MCM8: variants seen among roughly 807,000 people sequenced by gnomAD.
The protein encoded by MCM8 is DNA helicase MCM8.
A neutral mutation model predicts 98.9 loss-of-function variants in MCM8; 85 were observed. The observed-to-expected ratio is 0.86, with a 90% CI of 0.72 to 1.03. The LOEUF is 1.03. Ranked by LOEUF, MCM8 falls within the 50% of genes least tolerant of loss-of-function variation. The pLI, the probability that MCM8 is intolerant of heterozygous loss-of-function variation, is 0.00. For missense variants in MCM8, 951 were observed against 997.8 expected (o/e 0.95, Z 0.63); for synonymous variants, 352 against 338.6 (o/e 1.04, Z -0.44).
rs750002618 is a variant in MCM8, at chr20:5,958,622, A to G, written c.685A>G (p.Ser229Gly). ...TCTAAGAGGGACAGTGGTTCGTGTC[A>G]GTAATATAAAGCCTCTTTGCACCAA... ...IALRGTVVRV[S>G]NIKPLCTKMA... The change falls in exon 7 of 19, where the codon AGT becomes GGT. Residue 229 changes from serine (S) to glycine (G), a missense_variant. Transcript: ENST00000610722. 2.5e-6 allele frequency: 4 copies of G among 1,614,184 alleles called. No individual in the cohort carries two copies. The highest frequency in any genetic ancestry group is 2.2e-5 in the East Asian group (1 of 44,868).
At chr20:5,980,205 A>T (rs983963455) in intron 13 of MCM8, among the ~76,000 whole-genome samples, 4 of 151,866 alleles carry the variant, frequency 2.6e-5, no homozygotes, top group African/African-American at 9.7e-5. Context: ...AGCAGACCTT[A>T]TTTTCCTTAC....
At chr20:5,955,714 T>G (rs1874446959) in intron 5 of MCM8, among the ~76,000 whole-genome samples, 1 of 152,218 alleles carries the variant, frequency 6.6e-6, no homozygotes, top group African/African-American at 2.4e-5. Context: ...GCCTGAGTTT[T>G]TTTTCAGGGT....
At chr20:5,967,774 T>A (rs918027264) in intron 9 of MCM8, 56 bp from the exon 10 acceptor site, 2 of 1,411,760 alleles carry the variant, frequency 1.4e-6, no homozygotes, top group Non-Finnish European at 1.9e-6. Flanking sequence ...TCTAGTTGAG[T>A]CATTGTAGGG....
At chr20:5,980,984 C>T (rs1373009509) in intron 13 of MCM8, among the ~76,000 whole-genome samples, 23 of 151,890 alleles carry the variant, frequency 1.5e-4, no homozygotes. Context: ...TAGTACAGTC[C>T]ACAAGCTAAA....
chr20:5,987,527 T>G (rs1420462591), intron 17 of MCM8, among the ~76,000 whole-genome samples, 169 bp downstream of exon 17: 2 of 152,190 alleles, frequency 1.3e-5, no homozygotes, highest in African/African-American at 4.8e-5. Context: ...TAAATAATCT[T>G]TACATTAGAA....
intron 12 of MCM8, among the ~76,000 whole-genome samples, chr20:5,977,182 C>G (rs1423454857): frequency 6.6e-6 from 1 of 152,154 alleles, no homozygotes; most frequent in Non-Finnish European, 1.5e-5. Context: ...AATACTGTCC[C>G]CTAGAATTGG....
chr20:5,972,384 T>G (rs1380660165), intron 11 of MCM8, among the ~76,000 whole-genome samples: 1 of 151,644 alleles, frequency 6.6e-6, no homozygotes, highest in African/African-American at 2.4e-5. Context: ...TTTTTTGTAT[T>G]TTTTGTAGAG....
intron 8 of MCM8, among the ~76,000 whole-genome samples, chr20:5,966,128 T>C (rs554218720): frequency 7.2e-5 from 11 of 152,172 alleles, no homozygotes; most frequent in Non-Finnish European, 1.6e-4. Flanking sequence ...CTCTGCTGTT[T>C]ATGAGAGGTC....
chr20:5,963,447 T>C (rs1358095073), intron 8 of MCM8, 88 bp downstream of exon 8: 1 of 946,196 alleles, frequency 1.1e-6, no homozygotes, highest in Non-Finnish European at 1.7e-6. Context: ...ATATTGTACG[T>C]TTTATCTAAA....
Position 5,994,540 on chromosome 20 carries a change from T to C in MCM8, c.*149T>C. ...ACACACACAGTCAAATACTGTTCTC[T>C]GAAAAATGATGTCCCAAAAGTATTA... On this transcript the variant is annotated 3_prime_UTR_variant, in exon 19 of 19. Transcript: ENST00000610722. 2 of 565,902 alleles carry C rather than the reference T, an allele frequency of 3.5e-6. No homozygotes were observed. The highest frequency in any genetic ancestry group is 6.2e-6 in the Non-Finnish European group (2 of 321,114). The allele number at this position is 565,902 out of a possible 1,614,324, so 35.1% of individuals were successfully genotyped here. A position where few individuals can be genotyped will look rare whatever the true frequency, so the allele number is the denominator to read the frequency against.
chr20:5,977,775 A>T, intron 12 of MCM8, 101 bp from the exon 13 acceptor site: 2 of 1,270,514 alleles, frequency 1.6e-6, no homozygotes, highest in African/African-American at 3.0e-5. Flanking sequence ...TAAAGCTCTT[A>T]AAAGAATACC....
At chr20:5,968,525 C>T (rs924091585) in intron 10 of MCM8, among the ~76,000 whole-genome samples, 50 of 151,926 alleles carry the variant, frequency 3.3e-4, no homozygotes, top group African/African-American at 1.2e-3. Flanking sequence ...GCCTGGGCAA[C>T]AAGAGTGAAA....
chr20:5,960,702 G>A (rs113703610), intron 7 of MCM8, among the ~76,000 whole-genome samples: 2 of 152,104 alleles, frequency 1.3e-5, no homozygotes, highest in Non-Finnish European at 2.9e-5. Context: ...TTGGGAGGCC[G>A]AGGCGGGCAG....
At chr20:5,953,789 T>C (rs1334858206) in intron 3 of MCM8, among the ~76,000 whole-genome samples, 1 of 151,506 alleles carries the variant, frequency 6.6e-6, no homozygotes, top group African/African-American at 2.4e-5. Context: ...TTTTTTTTTT[T>C]AGGAAAACTA....
intron 13 of MCM8, among the ~76,000 whole-genome samples, chr20:5,982,681 G>A (rs1282476946): frequency 6.6e-6 from 1 of 152,166 alleles, no homozygotes; most frequent in Non-Finnish European, 1.5e-5. Flanking sequence ...AACTCCTTAA[G>A]CATTTTGAGA....
intron 12 of MCM8, among the ~76,000 whole-genome samples, chr20:5,976,121 A>T (rs1300648733): frequency 6.6e-6 from 1 of 152,172 alleles, no homozygotes; most frequent in African/African-American, 2.4e-5. Context: ...GTGAGATCCC[A>T]TCTCTAAAAA....
chr20:5,963,053 G>A (rs1433140324), intron 7 of MCM8, among the ~76,000 whole-genome samples: 2 of 152,194 alleles, frequency 1.3e-5, no homozygotes, highest in South Asian at 2.1e-4. Flanking sequence ...GATACGAACA[G>A]TAAGTGAGAA....
At chr20:5,958,787 G>T in intron 7 of MCM8, 61 bp downstream of exon 7, 1 of 1,451,326 alleles carries the variant, frequency 6.9e-7, no homozygotes. Flanking sequence ...TCAGAATACA[G>T]AAAACATTTC....
At chr20:5,953,233 A>G (rs2088879205) in intron 3 of MCM8, among the ~76,000 whole-genome samples, 1 of 152,178 alleles carries the variant, frequency 6.6e-6, no homozygotes, top group Non-Finnish European at 1.5e-5. Flanking sequence ...TACAGATCTG[A>G]ATTATAGCAT....
Sources: gnomAD v4.1 joint callset for allele counts (sites outside exome capture counted in the v4.1 genomes callset) on GRCh38, gnomAD v4.1.1 for gene constraint, MANE v1.5 for transcripts, NCBI Gene and HGNC (gene_info 2026-07-23, HGNC 2026-07-21) for gene names.